ADAM9: variants seen among roughly 807,000 people sequenced by gnomAD.
The protein encoded by ADAM9 is ADAM metallopeptidase domain 9, also known as disintegrin and metalloproteinase domain-containing protein 9.
In ADAM9, 54 loss-of-function variants were observed where a neutral mutation model predicts 108.1. That is an observed-to-expected ratio of 0.50 (90% CI 0.40 to 0.63). The LOEUF (loss-of-function observed/expected upper bound fraction) is 0.63, where lower values mean the gene tolerates loss of function less well. ADAM9 is among the 20% of genes least tolerant of loss of function. The pLI is 0.00. For synonymous variants in ADAM9, 316 were observed against 336.0 expected (o/e 0.94, Z 0.65); for missense variants, 830 against 997.7 (o/e 0.83, Z 2.26).
chr8:39,016,987 C>G (rs1465728759), intron 5 of ADAM9: 2 of 526,792 alleles, frequency 3.8e-6, no homozygotes, highest in African/African-American at 1.9e-5. Flanking sequence ...TCCCGTAGAT[C>G]ACTCAGGGAG....
intron 14 of ADAM9, among the ~76,000 whole-genome samples, chr8:39,069,953 G>C (rs1156331954): frequency 6.7e-6 from 1 of 148,238 alleles, no homozygotes; most frequent in African/African-American, 2.5e-5. Context: ...TTTCAGCCTG[G>C]GCTGCATAGC....
intron 7 of ADAM9, among the ~76,000 whole-genome samples, chr8:39,021,044 A>G (rs1441748697): frequency 2.6e-5 from 4 of 152,232 alleles, no homozygotes. Context: ...TTGCATTAAA[A>G]TAAAAGGAAC....
At chr8:39,085,381 A>C (rs1839152637) in intron 18 of ADAM9, among the ~76,000 whole-genome samples, 2 of 152,160 alleles carry the variant, frequency 1.3e-5, no homozygotes, top group Non-Finnish European at 2.9e-5. Context: ...CAGAGACTTA[A>C]TGGTAGAAAA....
At chr8:39,002,309 ATTCT>A (rs1836020585) in intron 1 of ADAM9, among the ~76,000 whole-genome samples, 1 of 107,512 alleles carries the variant, frequency 9.3e-6, no homozygotes, top group South Asian at 2.7e-4. Context: ...ATTAGGTAGA[ATTCT>A]TTTTTTTTTT....
intron 11 of ADAM9, among the ~76,000 whole-genome samples, chr8:39,028,533 AT>A (rs1836998420): frequency 6.6e-6 from 1 of 152,242 alleles, no homozygotes; most frequent in Non-Finnish European, 1.5e-5. Flanking sequence ...ATAGATTAAA[AT>A]AAAAAAGAAG....
intron 4 of ADAM9, chr8:39,014,896 T>G: frequency 4.2e-6 from 1 of 238,582 alleles, no homozygotes; most frequent in Non-Finnish European, 8.0e-6. Context: ...GTCCACTATC[T>G]GATTTCTTTA....
chr8:39,049,579 C>T (rs781766806), intron 12 of ADAM9, among the ~76,000 whole-genome samples: 22 of 151,740 alleles, frequency 1.4e-4, no homozygotes, highest in Admixed American at 1.3e-4. Flanking sequence ...GCTGGGACTA[C>T]AGGTGCCTGC....
chr8:39,073,051 A>G (rs370089939), intron 15 of ADAM9, among the ~76,000 whole-genome samples: 19 of 152,194 alleles, frequency 1.2e-4, no homozygotes, highest in African/African-American at 4.1e-4. Flanking sequence ...ATTCATCCAT[A>G]CAGACTAATA....
chr8:39,070,546 A>C (rs1306000820), intron 14 of ADAM9, among the ~76,000 whole-genome samples: 1 of 152,158 alleles, frequency 6.6e-6, no homozygotes, highest in African/African-American at 2.4e-5. Context: ...TTATTTAAAA[A>C]TATGCATTTT....
intron 9 of ADAM9, among the ~76,000 whole-genome samples, chr8:39,024,084 G>A (rs906321992): frequency 6.6e-6 from 1 of 152,122 alleles, no homozygotes; most frequent in East Asian, 1.9e-4. Flanking sequence ...CTTTGAAGGC[G>A]TTGCTCTTTT....
At chr8:38,997,425 C>T (rs913622181) in intron 1 of ADAM9, among the ~76,000 whole-genome samples, 29 of 152,158 alleles carry the variant, frequency 1.9e-4, no homozygotes, top group Admixed American at 1.8e-3. Flanking sequence ...AGCGTCCCCC[C>T]ATCCCTCGCC....
At chr8:39,013,579 T>C (rs1836429261) in intron 3 of ADAM9, among the ~76,000 whole-genome samples, 1 of 151,628 alleles carries the variant, frequency 6.6e-6, no homozygotes, top group African/African-American at 2.4e-5. Flanking sequence ...CATAGCTCAC[T>C]GCAGCCTTGA....
chr8:39,028,746 T>G (rs1837004643), intron 11 of ADAM9, among the ~76,000 whole-genome samples: 1 of 152,130 alleles, frequency 6.6e-6, no homozygotes, highest in Non-Finnish European at 1.5e-5. Context: ...GGAGTTTACA[T>G]CTGGGGGGAA....
intron 3 of ADAM9, among the ~76,000 whole-genome samples, chr8:39,011,976 G>C (rs778005926): frequency 1.3e-5 from 2 of 152,184 alleles, no homozygotes; most frequent in Non-Finnish European, 2.9e-5. Context: ...ACACATATGT[G>C]GGGGAGTTGG....
chr8:39,080,339 T>C (rs1838981522), intron 16 of ADAM9, among the ~76,000 whole-genome samples: 1 of 152,194 alleles, frequency 6.6e-6, no homozygotes, highest in South Asian at 2.1e-4. Flanking sequence ...CAGGTTGTTA[T>C]TAACATATAT....
intron 12 of ADAM9, among the ~76,000 whole-genome samples, chr8:39,050,892 A>G (rs1361992740): frequency 7.9e-6 from 1 of 126,608 alleles, no homozygotes; most frequent in African/African-American, 3.1e-5. Flanking sequence ...AACTGTGGCG[A>G]GTGTCTGAGT....
chr8:39,052,394 CTTTA>C (rs1407295450), intron 12 of ADAM9, among the ~76,000 whole-genome samples: 1 of 151,748 alleles, frequency 6.6e-6, no homozygotes, highest in Non-Finnish European at 1.5e-5. Context: ...TTCTAATATT[CTTTA>C]TTTATAGCTT....
chr8:39,022,073 T>TGG (rs1421120830), intron 8 of ADAM9, among the ~76,000 whole-genome samples: 2 of 149,302 alleles, frequency 1.3e-5, no homozygotes, highest in Admixed American at 1.3e-4. Flanking sequence ...TTTGTGTGTG[T>TGG]GTGTGTGTGT....
intron 12 of ADAM9, among the ~76,000 whole-genome samples, chr8:39,045,344 A>ACACCTATACG (rs1837679710): frequency 3.3e-5 from 4 of 122,844 alleles, no homozygotes; most frequent in African/African-American, 9.8e-5. Context: ...ACACCTATAC[A>ACACCTATACG]TGTGTGTACA....
Sources: gnomAD v4.1 joint callset for allele counts (sites outside exome capture counted in the v4.1 genomes callset) on GRCh38, gnomAD v4.1.1 for gene constraint, MANE v1.5 for transcripts, NCBI Gene and HGNC (gene_info 2026-07-23, HGNC 2026-07-21) for gene names.